The following ADAM2 variants were observed in gnomAD, a reference collection of about 807,000 sequenced individuals.
ADAM2 encodes the protein ADAM metallopeptidase domain 2, also known as disintegrin and metalloproteinase domain-containing protein 2.
A neutral mutation model predicts 99.3 loss-of-function variants in ADAM2; 101 were observed. That is an observed-to-expected ratio of 1.02 (90% CI 0.87 to 1.20). The LOEUF (loss-of-function observed/expected upper bound fraction) is 1.20, where lower values mean the gene tolerates loss of function less well. ADAM2 is among the 50% of genes most tolerant of loss of function. The pLI is 0.00. For missense variants in ADAM2, 948 were observed against 878.7 expected, an observed-to-expected ratio of 1.08 and a Z score of -1.00; for synonymous variants, 323 against 287.6, an observed-to-expected ratio of 1.12 and a Z score of -1.25.
rs774068680 is a variant in ADAM2, at chr8:39,809,439, C to G, written c.541G>C (p.Glu181Gln). The change falls in exon 7 of 21, where the codon GAA (glutamate) becomes CAA (glutamine). Residue 181 changes from glutamate (E) to glutamine (Q), a missense_variant. Glu to Gln is a conservative substitution (Grantham distance 29). Coordinates refer to ENST00000265708, the MANE Select transcript of ADAM2 (RefSeq NM_001464.5). Reference protein sequence around the residue: ...EPQQDFAKYIEMHVIVEKQLY... With the variant: ...EPQQDFAKYIQMHVIVEKQLY... Reference sequence around the variant, plus strand: ...TGTTTTTCAACTATAACATGCATTTCTATATACTTTGCAAAATCTTGCTGT... The same window carrying G: ...TGTTTTTCAACTATAACATGCATTTGTATATACTTTGCAAAATCTTGCTGT... 3 of 1,417,796 alleles carry G rather than the reference C, an allele frequency of 2.1e-6. No homozygotes were observed. The East Asian group carries it at 7.1e-5, about 33-fold the overall frequency. The allele number at this position is 1,417,796 out of a possible 1,614,324, so 87.8% of individuals were successfully genotyped here.
At chr8:39,784,365 G>A (rs1010441812) in intron 10 of ADAM2, among the ~76,000 whole-genome samples, 7 of 152,108 alleles carry the variant, frequency 4.6e-5, no homozygotes, top group South Asian at 2.1e-4. Context: ...GGAAGCTAGC[G>A]TGCCTCTAAT....
At chr8:39,756,024 A>C in intron 15 of ADAM2, 113 bp from the exon 16 acceptor site, 1 of 560,644 alleles carries the variant, frequency 1.8e-6, no homozygotes. Context: ...AAGCTAATAC[A>C]TGCAATTCGT....
At chr8:39,770,843 T>C (rs535903469) in intron 11 of ADAM2, among the ~76,000 whole-genome samples, 1 of 152,288 alleles carries the variant, frequency 6.6e-6, no homozygotes, top group African/African-American at 2.4e-5. Context: ...ATCTGTCTAC[T>C]TTCTATATAT....
chr8:39,785,640 A>T (rs1054320313), intron 10 of ADAM2, among the ~76,000 whole-genome samples: 8 of 152,142 alleles, frequency 5.3e-5, no homozygotes, highest in Non-Finnish European at 5.9e-5. Flanking sequence ...TACCAAAAAT[A>T]CAAAAATTAG....
chr8:39,835,963 AT>A (rs1314641432), intron 2 of ADAM2, among the ~76,000 whole-genome samples: 1 of 151,878 alleles, frequency 6.6e-6, no homozygotes, highest in Non-Finnish European at 1.5e-5. Context: ...CCCTTGCACT[AT>A]TTTTTTGTTG....
intron 7 of ADAM2, 91 bp from the exon 8 acceptor site, chr8:39,788,831 G>T: frequency 1.5e-6 from 1 of 645,960 alleles, no homozygotes; most frequent in South Asian, 4.6e-5. Context: ...ATTTGGTGAA[G>T]TAATAAATTA....
chr8:39,743,969 C>A lies in ADAM2; in HGVS notation c.*126G>T. 1 of 151,912 alleles carries A rather than the reference C, an allele frequency of 6.6e-6. No homozygotes were observed. The highest frequency in any genetic ancestry group is 2.1e-4 in the South Asian group (1 of 4,816). The allele number at this position is 151,912 out of a possible 1,614,324, so 9.4% of individuals were successfully genotyped here. A position where few individuals can be genotyped will look rare whatever the true frequency, so the allele number is the denominator to read the frequency against. On this transcript the variant is annotated 3_prime_UTR_variant, in exon 21 of 21. Transcript: ENST00000265708. ...ATATTTTCTGGTCAAATTAAAATCA[C>A]AATATGCAGGTTTGAATCCCAGGAA...
chr8:39,827,456 G>A (rs1805455382), intron 3 of ADAM2, among the ~76,000 whole-genome samples: 1 of 152,124 alleles, frequency 6.6e-6, no homozygotes, highest in South Asian at 2.1e-4. Context: ...GTTTATTGCA[G>A]TAGTCAAGAT....
At chr8:39,794,437 G>C (rs1427954079) in intron 7 of ADAM2, among the ~76,000 whole-genome samples, 1 of 152,042 alleles carries the variant, frequency 6.6e-6, no homozygotes. Context: ...TTTAAAATAA[G>C]GGAGGAGACC....
intron 3 of ADAM2, among the ~76,000 whole-genome samples, chr8:39,830,000 G>A (rs987149646): frequency 2.6e-5 from 4 of 152,018 alleles, no homozygotes; most frequent in African/African-American, 9.7e-5. Flanking sequence ...GTAGTGAGAC[G>A]GACTGAGGGG....
intron 10 of ADAM2, among the ~76,000 whole-genome samples, chr8:39,784,667 G>A (rs1439886620): frequency 1.3e-5 from 2 of 152,158 alleles, no homozygotes; most frequent in Non-Finnish European, 2.9e-5. Flanking sequence ...CTCTCCATGG[G>A]AGAGTCTTGT....
chr8:39,838,116 G>A lies in ADAM2; in HGVS notation c.55+15C>T. 6.2e-7 allele frequency: 1 copy of A among 1,613,958 alleles called. No homozygotes were observed. The highest frequency in any genetic ancestry group is 8.5e-7 in the Non-Finnish European group (1 of 1,179,906). On this transcript the variant is annotated intron_variant, in intron 1 of 20. Coordinates refer to ENST00000265708, the MANE Select transcript of ADAM2 (RefSeq NM_001464.5). ...GAGGGTCCCAAAAGGCCAGAGGAGG[G>A]GTTTTTCTGCTTACTACTGTCCATC...
intron 4 of ADAM2, among the ~76,000 whole-genome samples, chr8:39,824,111 C>G (rs1207541083): frequency 6.6e-6 from 1 of 151,992 alleles, no homozygotes; most frequent in Non-Finnish European, 1.5e-5. Flanking sequence ...TGGAGAAACC[C>G]TGTCTCTACT....
At chr8:39,835,408 T>C (rs1292911760) in intron 2 of ADAM2, among the ~76,000 whole-genome samples, 2 of 142,704 alleles carry the variant, frequency 1.4e-5, no homozygotes, top group African/African-American at 2.7e-5. Context: ...TTTTAGGCCA[T>C]GTGCGGTGGC....
chr8:39,781,006 C>A (rs1803203214), intron 10 of ADAM2, among the ~76,000 whole-genome samples: 2 of 151,234 alleles, frequency 1.3e-5, no homozygotes, highest in Non-Finnish European at 2.9e-5. Flanking sequence ...CGCTTTCATA[C>A]CTTTTCTTTT....
At chr8:39,804,663 C>T (rs1029340226) in intron 7 of ADAM2, among the ~76,000 whole-genome samples, 3 of 151,782 alleles carry the variant, frequency 2.0e-5, no homozygotes, top group East Asian at 1.9e-4. Flanking sequence ...GAAATAGTTA[C>T]GTTGACATTA....
At chr8:39,810,870 A>C (rs1804664831) in intron 6 of ADAM2, among the ~76,000 whole-genome samples, 4 of 152,220 alleles carry the variant, frequency 2.6e-5, no homozygotes, top group Admixed American at 2.6e-4. Flanking sequence ...TCACCATTAA[A>C]AGAACTAGAG....
intron 6 of ADAM2, among the ~76,000 whole-genome samples, chr8:39,815,047 T>A (rs1188103763): frequency 6.6e-6 from 1 of 151,982 alleles, no homozygotes; most frequent in African/African-American, 2.4e-5. Context: ...TAAAAATGTA[T>A]CTCAATATTT....
chr8:39,749,704 C>G lies in ADAM2; in HGVS notation c.1838G>C (p.Gly613Ala). Residue 613 changes from glycine to alanine, a missense_variant, in exon 17 of 21, where the codon GGT becomes GCT. Gly to Ala is a moderately conservative substitution (Grantham distance 60). Coordinates refer to ENST00000265708, the MANE Select transcript of ADAM2 (RefSeq NM_001464.5). ...NQRCVSSSYL[G>A]YDCTTDKCND... ...GCATTTGTCAGTAGTACAATCATAACCCAAGTATGAAGAACTCACACATCT... is the reference window on the plus strand; with the variant it reads ...GCATTTGTCAGTAGTACAATCATAAGCCAAGTATGAAGAACTCACACATCT... 6.2e-7 allele frequency: 1 copy of G among 1,612,332 alleles called. No homozygotes were observed. Among genetic ancestry groups the G allele is most frequent in the Non-Finnish European group, 8.5e-7 (1 of 1,178,920 alleles).
Sources: gnomAD v4.1 joint callset for allele counts (sites outside exome capture counted in the v4.1 genomes callset) on GRCh38, gnomAD v4.1.1 for gene constraint, MANE v1.5 for transcripts, NCBI Gene and HGNC (gene_info 2026-07-23, HGNC 2026-07-21) for gene names.